Variants in B4GALNT3 observed in about 807,000 individuals in gnomAD.
B4GALNT3 encodes beta-1,4-N-acetyl-galactosaminyltransferase 3, also known as beta-1,4-N-acetylgalactosaminyltransferase 3.
A neutral mutation model predicts 120.2 loss-of-function variants in B4GALNT3; 86 were observed. That is an observed-to-expected ratio of 0.72 (90% CI 0.60 to 0.86). The LOEUF is 0.86. B4GALNT3 is among the 40% of genes least tolerant of loss of function. The pLI is 0.00. For synonymous variants in B4GALNT3, 518 were observed against 510.4 expected, an observed-to-expected ratio of 1.01 and a Z score of -0.20; for missense variants, 1,167 against 1,298.9, an observed-to-expected ratio of 0.90 and a Z score of 1.56.
chr12:511,254 T>TGCCTTCC (rs200224652), intron 1 of B4GALNT3, among the ~76,000 whole-genome samples: 1 of 123,342 alleles, frequency 8.1e-6, no homozygotes, highest in South Asian at 2.8e-4. Context: ...TTCCGCCTTC[T>TGCCTTCC]GCCTTCCGCC....
intron 1 of B4GALNT3, among the ~76,000 whole-genome samples, chr12:518,385 A>G (rs1279935847): frequency 6.6e-6 from 1 of 152,184 alleles, no homozygotes; most frequent in Non-Finnish European, 1.5e-5. Flanking sequence ...AATATGGTGC[A>G]GTATTTGCAT....
intron 1 of B4GALNT3, among the ~76,000 whole-genome samples, chr12:489,859 G>A (rs937548340): frequency 2.6e-5 from 4 of 152,108 alleles, no homozygotes; most frequent in Non-Finnish European, 4.4e-5. Context: ...GACCATATTC[G>A]GGGTGGTAAA....
intron 3 of B4GALNT3, among the ~76,000 whole-genome samples, chr12:540,185 C>T (rs1430561089): frequency 1.3e-5 from 2 of 152,210 alleles, no homozygotes; most frequent in African/African-American, 2.4e-5. Flanking sequence ...AGGAGGCTGA[C>T]GGTGCCTGCC....
At chr12:517,739 T>C (rs1325317008) in intron 1 of B4GALNT3, among the ~76,000 whole-genome samples, 1 of 147,204 alleles carries the variant, frequency 6.8e-6, no homozygotes, top group Non-Finnish European at 1.5e-5. Context: ...CCATCCTTCC[T>C]GCATGAAGCA....
At position 556,716 on chromosome 12, in the gene B4GALNT3, G is replaced by C. The variant is rs372079408; in HGVS notation, c.2230G>C (p.Glu744Gln). The C allele has an allele frequency of 6.2e-7, 1 of 1,613,910 alleles. No homozygotes were observed. The highest frequency in any genetic ancestry group is 8.5e-7 in the Non-Finnish European group (1 of 1,180,018). ...GGGCATCGATCCAGCTGGTGGGGAG[G>C]AGGTCGAGGCCCGGAACCTGCAAGG... ...WQGIDPAGGE[E>Q]VEARNLQGLV... is the part of the protein sequence containing the mutation. Residue 744 changes from glutamate (E) to glutamine (Q), a missense_variant, in exon 15 of 20, where the codon GAG (glutamate) becomes CAG (glutamine). Physicochemically the swap from Glu to Gln is conservative, Grantham distance 29 (BLOSUM62 2). Transcript: ENST00000266383.
chr12:537,023 TG>T (rs1946868075), intron 3 of B4GALNT3, among the ~76,000 whole-genome samples: 1 of 152,258 alleles, frequency 6.6e-6, no homozygotes, highest in Admixed American at 6.5e-5. Context: ...CATTAGCATA[TG>T]AAAGAGTATG....
intron 14 of B4GALNT3, chr12:555,198 A>AC (rs1491487121): frequency 4.4e-6 from 1 of 227,708 alleles, no homozygotes; most frequent in Non-Finnish European, 9.1e-6. Flanking sequence ...AAAAAGAAAG[A>AC]AAAAAAAAAA....
intron 1 of B4GALNT3, among the ~76,000 whole-genome samples, chr12:471,426 G>T (rs1170479897): frequency 1.5e-5 from 2 of 137,766 alleles, no homozygotes; most frequent in African/African-American, 2.6e-5. Context: ...AAATAAATAG[G>T]CTGGGCACGG....
At chr12:487,895 G>T (rs1418338232) in intron 1 of B4GALNT3, among the ~76,000 whole-genome samples, 1 of 152,170 alleles carries the variant, frequency 6.6e-6, no homozygotes, top group Non-Finnish European at 1.5e-5. Flanking sequence ...AGGCTGCAGT[G>T]AGCTGTGGTT....
At chr12:556,418 C>T (rs1313288523) in intron 14 of B4GALNT3, 129 bp from the exon 15 acceptor site, 22 of 863,868 alleles carry the variant, frequency 2.5e-5, no homozygotes, top group Middle Eastern at 2.3e-4. Flanking sequence ...GGCCCTATAG[C>T]CAGCCAGTGG....
chr12:532,550 G>T (rs532199951), intron 1 of B4GALNT3, among the ~76,000 whole-genome samples: 1 of 152,174 alleles, frequency 6.6e-6, no homozygotes, highest in Non-Finnish European at 1.5e-5. Context: ...GTTGGAAAAC[G>T]ACTGAGACAT....
At chr12:517,966 C>T (rs769221213) in intron 1 of B4GALNT3, among the ~76,000 whole-genome samples, 1 of 152,192 alleles carries the variant, frequency 6.6e-6, no homozygotes, top group Non-Finnish European at 1.5e-5. Context: ...GTTTGAATCC[C>T]AGTTTAGCTA....
At chr12:474,261 T>C (rs975874294) in intron 1 of B4GALNT3, among the ~76,000 whole-genome samples, 1 of 152,128 alleles carries the variant, frequency 6.6e-6, no homozygotes, top group Non-Finnish European at 1.5e-5. Context: ...TTCTTCTTCA[T>C]CACAAACCCA....
intron 1 of B4GALNT3, among the ~76,000 whole-genome samples, chr12:478,921 C>A (rs1048291730): frequency 1.3e-5 from 2 of 152,192 alleles, no homozygotes; most frequent in African/African-American, 4.8e-5. Flanking sequence ...GGGAAGGTGT[C>A]CTTATGGACA....
intron 1 of B4GALNT3, among the ~76,000 whole-genome samples, chr12:462,463 A>T (rs1033698292): frequency 5.3e-5 from 8 of 150,646 alleles, no homozygotes; most frequent in African/African-American, 2.0e-4. Flanking sequence ...GGGCCGCCTC[A>T]TTCCGAGCCA....
At chr12:529,046 G>C (rs1565603583) in intron 1 of B4GALNT3, among the ~76,000 whole-genome samples, 1 of 152,028 alleles carries the variant, frequency 6.6e-6, no homozygotes, top group African/African-American at 2.4e-5. Flanking sequence ...GGTGTACATG[G>C]AACCAGCCCT....
intron 3 of B4GALNT3, among the ~76,000 whole-genome samples, chr12:538,058 A>G (rs1946878913): frequency 2.6e-5 from 4 of 152,218 alleles, no homozygotes; most frequent in African/African-American, 9.6e-5. Flanking sequence ...AACTTGCTTT[A>G]CAGATCATTT....
At chr12:552,550 T>C (rs951550276) in intron 13 of B4GALNT3, 22 bp downstream of exon 13, 1 of 1,611,662 alleles carries the variant, frequency 6.2e-7, no homozygotes, top group Non-Finnish European at 8.5e-7. Flanking sequence ...CAGCTGAGGC[T>C]TCCAGGTCAG....
At chr12:517,859 A>G (rs1199824677) in intron 1 of B4GALNT3, among the ~76,000 whole-genome samples, 1 of 152,116 alleles carries the variant, frequency 6.6e-6, no homozygotes, top group East Asian at 1.9e-4. Flanking sequence ...TCAATTCCTC[A>G]CCAGTGGGGC....
Sources: gnomAD v4.1 joint callset for allele counts (sites outside exome capture counted in the v4.1 genomes callset) on GRCh38, gnomAD v4.1.1 for gene constraint, MANE v1.5 for transcripts, NCBI Gene and HGNC (gene_info 2026-07-23, HGNC 2026-07-21) for gene names.